SLCO1B3: variants seen among roughly 807,000 people sequenced by gnomAD.
SLCO1B3 encodes solute carrier organic anion transporter family member 1B3.
Under a neutral mutation model 71.8 loss-of-function variants are expected in SLCO1B3, and 72 were observed. The ratio of observed to expected loss-of-function variants is 1.00; its 90% CI spans 0.83 to 1.22. SLCO1B3 has a LOEUF of 1.22. SLCO1B3 is among the 50% of genes most tolerant of loss of function. The pLI, the probability that SLCO1B3 is intolerant of heterozygous loss-of-function variation, is 0.00. For missense variants in SLCO1B3, 911 were observed against 819.7 expected (o/e 1.11, Z -1.36); for synonymous variants, 298 against 278.4 (o/e 1.07, Z -0.70).
chr12:20,850,256 TTTTATTTATTTATTTA>T (rs67315737), intron 3 of SLCO1B3, among the ~76,000 whole-genome samples: 3,912 of 143,034 alleles, frequency 0.027, 69 homozygotes, highest in Non-Finnish European at 0.042. Flanking sequence ...ATTATTATTA[TTTTATTTATTTATTTA>T]TTTATTTATT....
intron 3 of SLCO1B3, among the ~76,000 whole-genome samples, chr12:20,820,482 G>A (rs1323406910): frequency 1.3e-5 from 2 of 152,190 alleles, no homozygotes; most frequent in African/African-American, 4.8e-5. Flanking sequence ...CCTGGGGGAG[G>A]AGGTTCTGGA....
intron 8 of SLCO1B3, among the ~76,000 whole-genome samples, chr12:20,868,733 C>T (rs535188976): frequency 6.6e-4 from 100 of 151,878 alleles, no homozygotes; most frequent in Non-Finnish European, 1.2e-3. Context: ...GTAGTGGCCC[C>T]GAATGTCTGG....
At chr12:20,870,251 G>A (rs1296553936) in intron 8 of SLCO1B3, among the ~76,000 whole-genome samples, 2 of 152,038 alleles carry the variant, frequency 1.3e-5, no homozygotes, top group Non-Finnish European at 2.9e-5. Flanking sequence ...TCACATATAT[G>A]CTTTATGAAT....
At chr12:20,862,615 A>G in intron 7 of SLCO1B3, 57 bp downstream of exon 7, 1 of 1,509,918 alleles carries the variant, frequency 6.6e-7, no homozygotes, top group Non-Finnish European at 9.0e-7. Flanking sequence ...TACCCTTGAA[A>G]TAATAATGTC....
In SLCO1B3 at chr12:20,844,179, G is replaced by A. The variant is rs76293281; in HGVS notation, c.85-10849G>A. Among the ~76,000 whole-genome samples the A allele has an allele frequency of 1.6e-3, 246 of 151,780 alleles. 7 individuals are homozygous for A. In the East Asian group the frequency reaches 0.042, roughly 26 times the overall value. ...TGTGTATATATACACCTTAAACTTT[G>A]TATACCTTAAACTTAAAGATATTTA... On this transcript the variant is annotated intron_variant, in intron 3 of 15. Transcript: ENST00000381545.
At chr12:20,906,089 A>G (rs1591792159) in intron 15 of SLCO1B3, among the ~76,000 whole-genome samples, 2 of 152,238 alleles carry the variant, frequency 1.3e-5, no homozygotes, top group East Asian at 3.9e-4. Flanking sequence ...CCCATGATCC[A>G]ATCACCTCCC....
chr12:20,855,816 A>G (rs1400475361), intron 4 of SLCO1B3, among the ~76,000 whole-genome samples: 3 of 151,470 alleles, frequency 2.0e-5, no homozygotes, highest in African/African-American at 4.8e-5. Flanking sequence ...GAAAAATTAA[A>G]ATTTTTCTTA....
chr12:20,912,146 C>T lies in SLCO1B3; in HGVS notation c.1866-3858C>T, dbSNP rs543817591. ...TTTCTCATGAAATTTCATCTTGACC[C>T]ATATGTTTCTTAGAAGTGTATTGCT... On this transcript the variant is annotated intron_variant, in intron 15 of 15. Transcript: ENST00000381545. Among the ~76,000 whole-genome samples, 7 of 151,844 alleles carry T rather than the reference C, an allele frequency of 4.6e-5. No individual in the cohort carries two copies. The South Asian group carries it at 1.5e-3, about 32-fold the overall frequency.
In SLCO1B3 at chr12:20,862,480, G is replaced by A. The variant is rs374117010; in HGVS notation, c.550G>A (p.Gly184Arg). 1.5e-5 allele frequency: 24 copies of A among 1,612,870 alleles called. No individual in the cohort carries two copies. Among genetic ancestry groups the A allele is most frequent in the Middle Eastern group, 1.6e-4 (1 of 6,074 alleles). ...CATGGGGAATATGCTTCGTGGCATA[G>A]GGGAAACCCCCATAGTACCATTGGG... ...VFMGNMLRGIGETPIVPLGIS... is the reference protein window; with the variant it reads ...VFMGNMLRGIRETPIVPLGIS... The change falls in exon 7 of 16, where the codon GGG (glycine) becomes AGG (arginine). Residue 184 changes from glycine to arginine, a missense_variant. Physicochemically the swap from Gly to Arg is moderately radical, Grantham distance 125. Transcript: ENST00000381545.
chr12:20,906,778 A>G (rs1236528585), intron 15 of SLCO1B3, among the ~76,000 whole-genome samples: 4 of 152,188 alleles, frequency 2.6e-5, no homozygotes, highest in Non-Finnish European at 5.9e-5. Flanking sequence ...TAAGAACATG[A>G]ACATCATCTT....
chr12:20,869,643 C>T (rs1440065091), intron 8 of SLCO1B3, among the ~76,000 whole-genome samples: 3 of 152,120 alleles, frequency 2.0e-5, no homozygotes, highest in Admixed American at 6.5e-5. Flanking sequence ...AGTTTAACCA[C>T]GTTATCACAT....
At chr12:20,821,779 C>T (rs1300920014) in intron 3 of SLCO1B3, among the ~76,000 whole-genome samples, 2 of 152,108 alleles carry the variant, frequency 1.3e-5, no homozygotes, top group Admixed American at 6.6e-5. Context: ...TGGTCTGACA[C>T]CTTTGAAATG....
chr12:20,893,965 T>C (rs1294769829), intron 13 of SLCO1B3, among the ~76,000 whole-genome samples: 1 of 152,166 alleles, frequency 6.6e-6, no homozygotes, highest in Non-Finnish European at 1.5e-5. Flanking sequence ...ATTTGTCTCA[T>C]ATACACAATA....
intron 15 of SLCO1B3, 137 bp from the exon 16 acceptor site, chr12:20,915,867 A>G (rs1160528724): frequency 1.7e-6 from 1 of 598,644 alleles, no homozygotes; most frequent in African/African-American, 1.9e-5. Flanking sequence ...GAAAATAATA[A>G]ATAGAATTGT....
Position 20,916,191 on chromosome 12 carries a change from G to C in SLCO1B3, c.2053G>C (p.Gly685Arg). The C allele has an allele frequency of 6.2e-7, 1 of 1,611,582 alleles. No individual in the cohort carries two copies. Among genetic ancestry groups the C allele is most frequent in the Non-Finnish European group, 8.5e-7 (1 of 1,177,872 alleles). The change falls in exon 16 of 16, where the codon GGA becomes CGA. Residue 685 changes from glycine (G) to arginine (R), a missense_variant. Gly to Arg is a moderately radical substitution (Grantham distance 125). Coordinates refer to ENST00000381545, the MANE Select transcript of SLCO1B3 (RefSeq NM_019844.4). ...TGGTGAACATTTTGTACCTTCTGCTGGAACAGATAGTAAAACATGTAATTT... is the reference window on the plus strand; with the variant it reads ...TGGTGAACATTTTGTACCTTCTGCTCGAACAGATAGTAAAACATGTAATTT... The part of the protein sequence containing the change: ...NNGEHFVPSA[G>R]TDSKTCNLDM...
chr12:20,893,035 G>A (rs1273961855), intron 13 of SLCO1B3, among the ~76,000 whole-genome samples: 1 of 152,120 alleles, frequency 6.6e-6, no homozygotes, highest in Non-Finnish European at 1.5e-5. Flanking sequence ...AGGAAGTGAA[G>A]AGGTAAAACT....
chr12:20,836,028 A>G (rs747964664), intron 3 of SLCO1B3, among the ~76,000 whole-genome samples: 8 of 152,250 alleles, frequency 5.3e-5, no homozygotes, highest in Non-Finnish European at 1.2e-4. Flanking sequence ...GCAAAGGTAC[A>G]TCTTACATGG....
At chr12:20,904,965 G>C (rs915286987) in intron 15 of SLCO1B3, among the ~76,000 whole-genome samples, 1 of 151,614 alleles carries the variant, frequency 6.6e-6, no homozygotes, top group African/African-American at 2.4e-5. Context: ...GTAGAGATGG[G>C]GTCTTGCCAT....
chr12:20,832,352 C>G (rs1864559675), intron 3 of SLCO1B3, among the ~76,000 whole-genome samples: 1 of 152,104 alleles, frequency 6.6e-6, no homozygotes, highest in East Asian at 1.9e-4. Context: ...TGATTATTTT[C>G]CCTCAGTTTT....
Sources: allele counts gnomAD v4.1 joint callset (sites outside exome capture counted in the v4.1 genomes callset), GRCh38; gene constraint gnomAD v4.1.1; transcripts MANE v1.5; gene names NCBI Gene and HGNC (gene_info 2026-07-23, HGNC 2026-07-21).